The following MAPK10 variants were observed in gnomAD, a reference collection of about 807,000 sequenced individuals.
The protein encoded by MAPK10 is mitogen-activated protein kinase 10, also known as JNK3 alpha protein kinase.
In MAPK10, 25 loss-of-function variants were observed where a neutral mutation model predicts 59.3. The ratio of observed to expected loss-of-function variants is 0.42; its 90% confidence interval spans 0.31 to 0.59. The LOEUF (loss-of-function observed/expected upper bound fraction) is 0.59. MAPK10 is among the 20% of genes least tolerant of loss of function. MAPK10 has a pLI of 0.15. For synonymous variants in MAPK10, 190 were observed against 200.5 expected (o/e 0.95, Z 0.44); for missense variants, 351 against 568.9 (o/e 0.62, Z 3.90).
intron 1 of MAPK10, among the ~76,000 whole-genome samples, chr4:86,528,331 C>T (rs1326407094): frequency 6.6e-6 from 1 of 150,796 alleles, no homozygotes; most frequent in Non-Finnish European, 1.5e-5. Context: ...AAAGCAATTC[C>T]ATGATATTTT....
chr4:86,581,586 A>C (rs951532471), intron 1 of MAPK10, among the ~76,000 whole-genome samples: 5 of 151,852 alleles, frequency 3.3e-5, no homozygotes, highest in African/African-American at 1.2e-4. Context: ...CAATCATGCC[A>C]CATTTCCCCA....
rs1011854668 is a variant in MAPK10 at position 86,011,644 on chromosome 4, T to C, written c.*5584A>G. 5 of 152,194 alleles carry C rather than the reference T, an allele frequency of 3.3e-5. No homozygotes were observed. Among genetic ancestry groups the C allele is most frequent in the Non-Finnish European group, 5.9e-5 (4 of 68,018 alleles). 9.4% of individuals were successfully genotyped at this position (152,194 alleles called of 1,614,324 possible). A position where few individuals can be genotyped will look rare whatever the true frequency, so the allele number is the denominator to read the frequency against. ...TTTCCCTTCTTATTATTGTGGGTAT[T>C]TTTAGGTACCTATGCTTGACCTTTT... is the stretch of plus-strand genomic sequence containing the variant. On this transcript the variant is annotated 3_prime_UTR_variant, in exon 14 of 14. Transcript: ENST00000641462.
At chr4:86,323,105 C>T (rs796111521) in intron 2 of MAPK10, among the ~76,000 whole-genome samples, 32 of 152,220 alleles carry the variant, frequency 2.1e-4, no homozygotes, top group Admixed American at 5.9e-4. Context: ...ACCTGGGAGG[C>T]GAAGGTTGCA....
intron 1 of MAPK10, among the ~76,000 whole-genome samples, chr4:86,419,585 G>A (rs1248886130): frequency 2.0e-5 from 3 of 151,946 alleles, no homozygotes; most frequent in Non-Finnish European, 4.4e-5. Context: ...TCATCACTTG[G>A]TATTTAGTTT....
intron 4 of MAPK10, among the ~76,000 whole-genome samples, chr4:86,151,434 T>A (rs1285512741): frequency 1.3e-5 from 2 of 152,176 alleles, no homozygotes; most frequent in African/African-American, 2.4e-5. Context: ...ATGAAGCTCA[T>A]AAACTTATAA....
At position 86,251,144 on chromosome 4, in the gene MAPK10, G is replaced by A. The variant is rs550322264; in HGVS notation, c.-6-56737C>T. ...CATTCTCAATGTTAAATAGAACATCGTTTTTATTTTATTTTATTTTATTTT... is the reference window on the plus strand; with the variant it reads ...CATTCTCAATGTTAAATAGAACATCATTTTTATTTTATTTTATTTTATTTT... On this transcript the variant is annotated intron_variant, in intron 2 of 13. Transcript: ENST00000641462. Among the ~76,000 whole-genome samples the A allele has an allele frequency of 1.7e-4, 25 of 143,294 alleles. No homozygotes were observed. The South Asian group carries it at 5.4e-3, about 31-fold the overall frequency. 94.0% of individuals were successfully genotyped at this position (143,294 alleles called of 152,430 possible).
intron 2 of MAPK10, among the ~76,000 whole-genome samples, chr4:86,278,537 C>G (rs1235659406): frequency 6.6e-6 from 1 of 151,818 alleles, no homozygotes; most frequent in African/African-American, 2.4e-5. Context: ...CAGCAAAACC[C>G]GCTAGTAAAA....
intron 1 of MAPK10, among the ~76,000 whole-genome samples, chr4:86,550,829 C>A (rs1759718781): frequency 6.6e-6 from 1 of 152,184 alleles, no homozygotes; most frequent in Non-Finnish European, 1.5e-5. Context: ...GTGTGTTGGT[C>A]CACCTTCTAG....
chr4:86,105,609 T>A (rs2056396215), intron 5 of MAPK10, among the ~76,000 whole-genome samples: 1 of 152,166 alleles, frequency 6.6e-6, no homozygotes, highest in Non-Finnish European at 1.5e-5. Flanking sequence ...CATCCATTTT[T>A]CATTGCCCAT....
chr4:86,121,064 AG>A (rs2059159788), intron 4 of MAPK10, among the ~76,000 whole-genome samples: 1 of 152,216 alleles, frequency 6.6e-6, no homozygotes, highest in African/African-American at 2.4e-5. Flanking sequence ...GTTCTCCTAA[AG>A]GACCATCAGC....
At chr4:86,409,830 A>T (rs1469478048) in intron 1 of MAPK10, among the ~76,000 whole-genome samples, 4 of 152,184 alleles carry the variant, frequency 2.6e-5, no homozygotes, top group African/African-American at 9.7e-5. Flanking sequence ...CTCAATATAC[A>T]ATTATGTCAT....
intron 2 of MAPK10, among the ~76,000 whole-genome samples, chr4:86,237,456 A>G (rs545423048): frequency 6.6e-6 from 1 of 152,238 alleles, no homozygotes; most frequent in South Asian, 2.1e-4. Flanking sequence ...CATTGAACTA[A>G]TTTACATTCC....
At chr4:86,545,297 T>C (rs1205561636) in intron 1 of MAPK10, among the ~76,000 whole-genome samples, 2 of 152,226 alleles carry the variant, frequency 1.3e-5, no homozygotes, top group Non-Finnish European at 2.9e-5. Flanking sequence ...AAAAATGTGA[T>C]ACTTTCTCTT....
chr4:86,151,596 A>G (rs912921259), intron 4 of MAPK10, among the ~76,000 whole-genome samples: 2 of 152,146 alleles, frequency 1.3e-5, no homozygotes, highest in African/African-American at 4.8e-5. Context: ...AGCATCTGAG[A>G]GTGTCTGAAA....
At chr4:86,075,453 G>A (rs2049095516) in intron 9 of MAPK10, among the ~76,000 whole-genome samples, 1 of 152,128 alleles carries the variant, frequency 6.6e-6, no homozygotes, top group Non-Finnish European at 1.5e-5. Flanking sequence ...GTGTTCCTTT[G>A]GAGGAGGAGA....
At chr4:86,487,515 G>A (rs1190380871) in intron 1 of MAPK10, among the ~76,000 whole-genome samples, 1 of 152,118 alleles carries the variant, frequency 6.6e-6, no homozygotes, top group Admixed American at 6.5e-5. Flanking sequence ...GGATCACGAA[G>A]TCAGGAGATC....
At chr4:86,164,107 T>A (rs537219720) in intron 3 of MAPK10, among the ~76,000 whole-genome samples, 1 of 152,166 alleles carries the variant, frequency 6.6e-6, no homozygotes, top group South Asian at 2.1e-4. Context: ...GGTTAAACTT[T>A]GTTTCTTTTG....
chr4:86,391,875 A>C (rs1188839405), intron 1 of MAPK10, among the ~76,000 whole-genome samples: 1 of 152,158 alleles, frequency 6.6e-6, no homozygotes, highest in African/African-American at 2.4e-5. Flanking sequence ...AATTGCTTCA[A>C]GTAAAATTAT....
At chr4:86,207,113 T>C (rs930016448) in intron 2 of MAPK10, among the ~76,000 whole-genome samples, 5 of 151,322 alleles carry the variant, frequency 3.3e-5, no homozygotes, top group African/African-American at 1.2e-4. Context: ...AGACATGAAG[T>C]CCTTGCCCAT....
Sources: allele counts gnomAD v4.1 joint callset (sites outside exome capture counted in the v4.1 genomes callset), GRCh38; gene constraint gnomAD v4.1.1; transcripts MANE v1.5; gene names NCBI Gene and HGNC (gene_info 2026-07-23, HGNC 2026-07-21).